Variants in SIM2 observed in about 807,000 individuals in gnomAD.
SIM2 encodes single-minded homolog 2.
In SIM2, 28 loss-of-function variants were observed where a neutral mutation model predicts 64.8. The ratio of observed to expected loss-of-function variants is 0.43; its 90% confidence interval spans 0.32 to 0.59. SIM2 has a LOEUF of 0.59. Among genes scored for constraint, SIM2 ranks in the 20% least tolerant of loss-of-function variants. The probability of loss-of-function intolerance (pLI) is 0.07; values close to 1 mark genes in which losing one functional copy is unlikely to be tolerated. For synonymous variants in SIM2, 408 were observed against 391.1 expected, an observed-to-expected ratio of 1.04 and a Z score of -0.51; for missense variants, 847 against 871.4, an observed-to-expected ratio of 0.97 and a Z score of 0.35.
chr21:36,742,452 T>C (rs2089174702), intron 8 of SIM2, among the ~76,000 whole-genome samples: 1 of 10,624 alleles, frequency 9.4e-5, no homozygotes, highest in Non-Finnish European at 1.6e-4. Context: ...GACGGGGTTT[T>C]GCTATGTTGC....
At position 36,699,797 on chromosome 21, in the gene SIM2, T is replaced by C. The variant is rs2088458621; in HGVS notation, c.51T>C (p.Asn17=). 1.9e-6 allele frequency: 3 copies of C among 1,612,666 alleles called. No homozygotes were observed. The highest frequency in any genetic ancestry group is 1.3e-5 in the African/African-American group (1 of 74,892). ...CCAAGACCAGGAGGGAGAAGGAAAA[T>C]GGCGAGTTTTACGAGCTTGCCAAGC... ...NAAKTRREKE[N]GEFYELAKLL... The change falls in exon 1 of 11, where the codon AAT becomes AAC. Residue 17 remains asparagine, a synonymous_variant. Coordinates refer to ENST00000290399, the MANE Select transcript of SIM2 (RefSeq NM_005069.6). This position sits in a 1 kb window ranked among gnomAD's most constrained non-coding sequence, Gnocchi z 5.6.
intron 7 of SIM2, among the ~76,000 whole-genome samples, chr21:36,733,470 C>T (rs1176007383): frequency 6.6e-6 from 1 of 151,960 alleles, no homozygotes; most frequent in Non-Finnish European, 1.5e-5. Context: ...AGTGGGACTA[C>T]GGGTGTGAGC....
At chr21:36,725,351 A>T (rs1304573361) in intron 5 of SIM2, among the ~76,000 whole-genome samples, 1 of 152,204 alleles carries the variant, frequency 6.6e-6, no homozygotes, top group African/African-American at 2.4e-5. Flanking sequence ...TGTCTAAAAA[A>T]AAATCTACGG....
At chr21:36,734,900 G>A (rs889765251) in intron 7 of SIM2, among the ~76,000 whole-genome samples, 2 of 152,200 alleles carry the variant, frequency 1.3e-5, no homozygotes, top group African/African-American at 2.4e-5. Flanking sequence ...CCCCAGGGCT[G>A]GGTGGCACCT....
At position 36,726,130 on chromosome 21, in the gene SIM2, C is replaced by T. The variant is rs749381228; in HGVS notation, c.555C>T (p.Cys185=). Residue 185 remains cysteine, a synonymous_variant, in exon 6 of 11, where the codon TGC becomes TGT. Transcript: ENST00000290399. This position sits in a 1 kb window ranked among gnomAD's most constrained non-coding sequence, Gnocchi z 4.5. Reference sequence around the variant, plus strand: ...CTCTCCACTCCCAGGTCATCCACTGCAGTGGCTACTTGAAGATCAGGCAGT... The same window carrying T: ...CTCTCCACTCCCAGGTCATCCACTGTAGTGGCTACTTGAAGATCAGGCAGT... ...LTCSGYKVIH[C]SGYLKIRQYM... The T allele has an allele frequency of 1.9e-6, 3 of 1,613,616 alleles. No individual in the cohort carries two copies. The highest frequency in any genetic ancestry group is 2.2e-5 in the South Asian group (2 of 91,084).
At chr21:36,741,980 C>A in intron 8 of SIM2, 116 bp downstream of exon 8, 3 of 1,101,152 alleles carry the variant, frequency 2.7e-6, no homozygotes, top group South Asian at 1.9e-5. Context: ...CATTTGTCTT[C>A]TGTTTTTTTT....
chr21:36,724,301 C>T (rs2088862107), intron 5 of SIM2, among the ~76,000 whole-genome samples: 1 of 152,224 alleles, frequency 6.6e-6, no homozygotes, highest in Admixed American at 6.5e-5. Context: ...TGTTAAGGGA[C>T]AGGGTCTTGC....
At chr21:36,746,035 G>C (rs1472070594) in intron 10 of SIM2, 18 of 1,137,420 alleles carry the variant, frequency 1.6e-5, no homozygotes, top group Non-Finnish European at 2.0e-5. Flanking sequence ...TGTGCCCCAG[G>C]CCGGGCTCAG....
intron 7 of SIM2, among the ~76,000 whole-genome samples, chr21:36,731,352 C>T (rs1331361920): frequency 6.6e-6 from 1 of 152,186 alleles, no homozygotes; most frequent in East Asian, 1.9e-4. Flanking sequence ...GCCACGCGCA[C>T]CCTTTCAGGG....
At chr21:36,717,592 C>T (rs532980690) in intron 3 of SIM2, among the ~76,000 whole-genome samples, 3 of 151,976 alleles carry the variant, frequency 2.0e-5, no homozygotes, top group Admixed American at 6.6e-5. Flanking sequence ...GGATCACAGC[C>T]GCATGCCACC....
intron 3 of SIM2, among the ~76,000 whole-genome samples, chr21:36,719,284 A>G (rs1468137511): frequency 6.6e-6 from 1 of 152,258 alleles, no homozygotes; most frequent in African/African-American, 2.4e-5. Context: ...GTCGACGAAG[A>G]AAGGGCCTTT....
chr21:36,742,826 T>C (rs1051944140), intron 8 of SIM2, among the ~76,000 whole-genome samples: 6 of 152,184 alleles, frequency 3.9e-5, no homozygotes, highest in African/African-American at 1.4e-4. Flanking sequence ...AGTTTAGCCC[T>C]TTAGTTATTC....
chr21:36,704,081 A>C (rs939219915), intron 1 of SIM2, among the ~76,000 whole-genome samples: 2 of 152,262 alleles, frequency 1.3e-5, no homozygotes, highest in Non-Finnish European at 2.9e-5. Context: ...TTGCTACTCC[A>C]GAAACTGTCA....
At chr21:36,722,769 C>T (rs1296734889) in intron 4 of SIM2, among the ~76,000 whole-genome samples, 1 of 152,190 alleles carries the variant, frequency 6.6e-6, no homozygotes, top group African/African-American at 2.4e-5. Flanking sequence ...CGGGCGACGG[C>T]AGGTGGAGCT....
chr21:36,725,139 G>A (rs2088872787), intron 5 of SIM2, among the ~76,000 whole-genome samples: 1 of 152,026 alleles, frequency 6.6e-6, no homozygotes, highest in Non-Finnish European at 1.5e-5. Flanking sequence ...TGAGCCCAGG[G>A]GTTCGAGACC....
intron 2 of SIM2, 35 bp from the exon 3 acceptor site, chr21:36,712,498 G>T: frequency 7.2e-7 from 1 of 1,391,964 alleles, no homozygotes; most frequent in South Asian, 1.2e-5. Flanking sequence ...AATGTAGAAT[G>T]ATCATCTCTT....
At chr21:36,700,353 T>C (rs183291243) in intron 1 of SIM2, among the ~76,000 whole-genome samples, 1 of 151,250 alleles carries the variant, frequency 6.6e-6, no homozygotes, top group East Asian at 1.9e-4. Context: ...TTTCTTTCAT[T>C]CTCCCCTTCC....
At chr21:36,735,910 G>A (rs567152368) in intron 7 of SIM2, among the ~76,000 whole-genome samples, 5 of 152,280 alleles carry the variant, frequency 3.3e-5, no homozygotes, top group Non-Finnish European at 5.9e-5. Context: ...CTGACAGCCC[G>A]GCTCAGGGCC....
At chr21:36,735,863 T>C (rs2089039703) in intron 7 of SIM2, among the ~76,000 whole-genome samples, 1 of 152,130 alleles carries the variant, frequency 6.6e-6, no homozygotes, top group South Asian at 2.1e-4. Context: ...CATTTTGAAA[T>C]GGGACTTGTT....
Sources: allele counts gnomAD v4.1 joint callset (sites outside exome capture counted in the v4.1 genomes callset), GRCh38; gene constraint gnomAD v4.1.1; non-coding constraint Gnocchi (gnomAD v3.1); transcripts MANE v1.5; gene names NCBI Gene and HGNC (gene_info 2026-07-23, HGNC 2026-07-21).